THOC2: variants seen among roughly 807,000 people sequenced by gnomAD.
THOC2 encodes the protein THO complex 2.
THOC2 carries 10 observed loss-of-function variants against 128.4 expected under a neutral mutation model. That is an observed-to-expected ratio of 0.08 (90% confidence interval 0.05 to 0.13). The LOEUF (loss-of-function observed/expected upper bound fraction) is 0.13, where lower values mean the gene tolerates loss of function less well. Among genes scored for constraint, THOC2 ranks in the 10% least tolerant of loss-of-function variants. THOC2 has a pLI of 1.00. For synonymous variants in THOC2, 393 were observed against 396.9 expected (o/e 0.99, Z 0.12); for missense variants, 535 against 1,155.7 (o/e 0.46, Z 7.79).
At chrX:123,700,284 T>C (rs1486044086) in intron 4 of THOC2, among the ~76,000 whole-genome samples, 1 of 108,894 alleles carries the variant, frequency 9.2e-6, no homozygotes, top group Non-Finnish European at 1.9e-5. Flanking sequence ...GCGGATCACC[T>C]GAGGTTAGGA....
At chrX:123,672,825 G>T in intron 8 of THOC2, among the ~76,000 whole-genome samples, 1 of 112,331 alleles carries the variant, frequency 8.9e-6, no homozygotes, top group Admixed American at 9.4e-5. Context: ...CTGGCCAAAT[G>T]TAAATAAAAA....
intron 33 of THOC2, among the ~76,000 whole-genome samples, chrX:123,615,656 T>TACACAC (rs988551946): frequency 1.5e-3 from 133 of 91,596 alleles, no homozygotes; most frequent in African/African-American, 3.8e-3. Context: ...AAAAAAAAAA[T>TACACAC]ACACACACAC....
In THOC2 at chrX:123,623,121, G is replaced by A; in HGVS notation, c.3666C>T (p.Ser1222=). ...SIGSASKSDE[S]STEETDKSRE... The stretch of plus-strand genomic sequence containing the variant: ...TAAGCATACCAGTCTCCTCAGTACT[G>A]CTTTCATCCGATTTAGATGCACTTC... Residue 1222 remains serine (S), a synonymous_variant, in exon 29 of 39, where the codon AGC becomes AGT. Coordinates refer to ENST00000245838, the MANE Select transcript of THOC2 (RefSeq NM_001081550.2). 8.3e-7 allele frequency: 1 copy of A among 1,208,889 alleles called. No individual in the cohort carries two copies. The highest frequency in any genetic ancestry group is 3.0e-5 in the East Asian group (1 of 33,800).
intron 20 of THOC2, 88 bp from the exon 21 acceptor site, chrX:123,633,128 T>G (rs893893103): frequency 3.1e-6 from 2 of 648,447 alleles, no homozygotes; most frequent in African/African-American, 4.4e-5. Context: ...TGAGTTAAAA[T>G]GCTTAATATA....
intron 4 of THOC2, among the ~76,000 whole-genome samples, chrX:123,698,475 A>G (rs1174283286): frequency 4.6e-5 from 5 of 108,224 alleles, no homozygotes; most frequent in African/African-American, 1.7e-4. Context: ...AAAAAAAAAA[A>G]AGATCCTAAT....
intron 5 of THOC2, 62 bp downstream of exon 5, chrX:123,697,619 A>C: frequency 3.4e-6 from 2 of 581,444 alleles, no homozygotes; most frequent in Non-Finnish European, 2.7e-6. Context: ...TAACATGATT[A>C]ACTTCTATTA....
chrX:123,639,623 G>A (rs145416616), intron 16 of THOC2, among the ~76,000 whole-genome samples: 138 of 110,878 alleles, frequency 1.2e-3, no homozygotes, highest in African/African-American at 4.4e-3. Context: ...GGGTACACAC[G>A]GACATAAAGA....
Position 123,620,921 on chromosome X carries a change from A to T in THOC2, c.4261T>A (p.Ser1421Thr). ...GCTATACTAACCTTTACTGTGGAGG[A>T]ATGTGATGGAGAAGGGTGAGTATCA... ...KIDTHPSPSHSSTVKDSLIEL... is the reference protein window; with the variant it reads ...KIDTHPSPSHTSTVKDSLIEL... Residue 1421 changes from serine (S) to threonine (T), a missense_variant, in exon 32 of 39, where the codon TCC (serine) becomes ACC (threonine). Coordinates refer to ENST00000245838, the MANE Select transcript of THOC2 (RefSeq NM_001081550.2). 8.3e-7 allele frequency: 1 copy of T among 1,210,776 alleles called. No individual in the cohort carries two copies. Among genetic ancestry groups the T allele is most frequent in the Middle Eastern group, 2.3e-4 (1 of 4,353 alleles).
At chrX:123,710,945 G>A (rs1461259253) in intron 2 of THOC2, among the ~76,000 whole-genome samples, 2 of 101,359 alleles carry the variant, frequency 2.0e-5, no homozygotes, top group Non-Finnish European at 4.0e-5. Context: ...AGCCAAGATC[G>A]CGCCATTGCA....
In THOC2 at chrX:123,632,808, C is replaced by T. The variant is rs190191735; in HGVS notation, c.2316+53G>A. ...TTTTCAAATTATAACACATTATCCT[C>T]CTTTAACAGGATTAAAAACATGTAC... On this transcript the variant is annotated intron_variant, in intron 21 of 38. Coordinates refer to ENST00000245838, the MANE Select transcript of THOC2 (RefSeq NM_001081550.2). 74 of 1,007,232 alleles carry T rather than the reference C, an allele frequency of 7.3e-5. 1 individual carries two copies. In the African/African-American group the frequency reaches 9.5e-4, roughly 13 times the overall value. 83.0% of individuals were successfully genotyped at this position (1,007,232 alleles called of 1,213,427 possible).
Position 123,614,112 on chromosome X carries a change from T to G in THOC2, c.4389A>C (p.Ser1463=). ...TCTCTCTTTCTCTGGATCTTTCCCT[T>G]GACTTGTCCAAATCTTTCTTGTCCA... ...REMDKKDLDK[S]RERSREREKK... The change falls in exon 34 of 39, where the codon TCA becomes TCC. Residue 1463 remains serine (S), a synonymous_variant. Transcript: ENST00000245838. 1 of 1,207,222 alleles carries G rather than the reference T, an allele frequency of 8.3e-7. No homozygotes were observed. The highest frequency in any genetic ancestry group is 1.1e-6 in the Non-Finnish European group (1 of 892,208).
chrX:123,630,346 C>T (rs957007298), intron 22 of THOC2, among the ~76,000 whole-genome samples: 26 of 111,542 alleles, frequency 2.3e-4, no homozygotes, highest in African/African-American at 8.5e-4. Flanking sequence ...GGCACAGTGG[C>T]TCATGCCTAT....
At chrX:123,732,865 C>T (rs942413370) in intron 1 of THOC2, 87 bp downstream of exon 1, 42 of 998,869 alleles carry the variant, frequency 4.2e-5, no homozygotes, top group Non-Finnish European at 5.7e-5. Flanking sequence ...GTACATCTTT[C>T]CCCCTCAACC....
At chrX:123,624,820 T>C in intron 25 of THOC2, 151 bp from the exon 26 acceptor site, 1 of 436,593 alleles carries the variant, frequency 2.3e-6, no homozygotes, top group Non-Finnish European at 3.4e-6. Context: ...CAGAGAACTT[T>C]GGAGATTTTG....
At chrX:123,699,881 A>G (rs2050619239) in intron 4 of THOC2, among the ~76,000 whole-genome samples, 1 of 112,144 alleles carries the variant, frequency 8.9e-6, no homozygotes, top group Admixed American at 9.5e-5. Flanking sequence ...GAGTCTCAGT[A>G]AATTTCTTAG....
At chrX:123,655,923 T>C (rs1447884573) in intron 12 of THOC2, among the ~76,000 whole-genome samples, 1 of 110,289 alleles carries the variant, frequency 9.1e-6, no homozygotes, top group Admixed American at 9.8e-5. Context: ...TATTTATATT[T>C]ATAAGAATCG....
chrX:123,635,332 A>T (rs1427238446), intron 19 of THOC2, among the ~76,000 whole-genome samples: 1 of 111,925 alleles, frequency 8.9e-6, no homozygotes, highest in Non-Finnish European at 1.9e-5. Flanking sequence ...TGCCCATAAA[A>T]TCATAAGTTT....
At chrX:123,617,832 A>C (rs902733462) in intron 33 of THOC2, among the ~76,000 whole-genome samples, 2 of 111,731 alleles carry the variant, frequency 1.8e-5, no homozygotes, top group African/African-American at 6.5e-5. Flanking sequence ...TAGCCCATAG[A>C]AGCCACTGAT....
At position 123,706,842 on chromosome X, in the gene THOC2, A is replaced by T; in HGVS notation, c.222+16T>A. 1 of 914,463 alleles carries T rather than the reference A, an allele frequency of 1.1e-6. No homozygotes were observed. Among genetic ancestry groups the T allele is most frequent in the Non-Finnish European group, 1.5e-6 (1 of 678,797 alleles). 75.4% of individuals were successfully genotyped at this position (914,463 alleles called of 1,213,427 possible). The stretch of plus-strand genomic sequence containing the variant: ...ATATAACAACTATTAACTTAAAAAA[A>T]TATATACATACTTACACTAATGTCA... On this transcript the variant is annotated intron_variant, in intron 3 of 38. Coordinates refer to ENST00000245838, the MANE Select transcript of THOC2 (RefSeq NM_001081550.2).
Sources: gnomAD v4.1 joint callset for allele counts (sites outside exome capture counted in the v4.1 genomes callset) on GRCh38, gnomAD v4.1.1 for gene constraint, MANE v1.5 for transcripts, NCBI Gene and HGNC (gene_info 2026-07-23, HGNC 2026-07-21) for gene names.